Variants in SDK1 observed in about 807,000 individuals in gnomAD.
The protein encoded by SDK1 is sidekick cell adhesion molecule 1.
SDK1 carries 157 observed loss-of-function variants against 245.5 expected under a neutral mutation model. That is an observed-to-expected ratio of 0.64 (90% confidence interval 0.56 to 0.73). SDK1 has a LOEUF of 0.73. Among genes scored for constraint, SDK1 ranks in the 30% least tolerant of loss-of-function variants. The probability of loss-of-function intolerance (pLI) is 0.00; values close to 1 mark genes in which losing one functional copy is unlikely to be tolerated. For synonymous variants in SDK1, 1,647 were observed against 1,278.5 expected (o/e 1.29, Z -6.15); for missense variants, 3,583 against 3,002.3 (o/e 1.19, Z -4.52).
intron 2 of SDK1, among the ~76,000 whole-genome samples, chr7:3,621,940 A>G (rs1344959123): frequency 1.3e-5 from 2 of 152,266 alleles, no homozygotes; most frequent in South Asian, 2.1e-4. Context: ...TTTTTACTTT[A>G]TAGTATTTAA....
At chr7:4,166,176 A>G (rs1781488890) in intron 32 of SDK1, among the ~76,000 whole-genome samples, 2 of 152,214 alleles carry the variant, frequency 1.3e-5, no homozygotes, top group Non-Finnish European at 2.9e-5. Flanking sequence ...TGTAAAAGGC[A>G]CCTTCCCAGA....
At chr7:3,508,696 A>C (rs576270020) in intron 1 of SDK1, among the ~76,000 whole-genome samples, 1 of 152,150 alleles carries the variant, frequency 6.6e-6, no homozygotes, top group African/African-American at 2.4e-5. Context: ...TGATTCTTCA[A>C]AGTGTTCTGT....
At chr7:3,882,466 C>T (rs1449324606) in intron 5 of SDK1, among the ~76,000 whole-genome samples, 2 of 152,222 alleles carry the variant, frequency 1.3e-5, no homozygotes, top group African/African-American at 4.8e-5. Context: ...TATCATCTGA[C>T]CCCAAACACT....
intron 22 of SDK1, among the ~76,000 whole-genome samples, chr7:4,104,172 G>C (rs1782759389): frequency 6.6e-6 from 1 of 152,180 alleles, no homozygotes; most frequent in Non-Finnish European, 1.5e-5. Flanking sequence ...CGATCCTCCT[G>C]CCTCAGCCTC....
intron 27 of SDK1, among the ~76,000 whole-genome samples, chr7:4,131,040 C>T (rs1281783441): frequency 6.6e-6 from 1 of 152,198 alleles, no homozygotes; most frequent in Non-Finnish European, 1.5e-5. Flanking sequence ...CTTTGTCCAT[C>T]CTTCCCTGAC....
chr7:4,040,911 TG>T (rs753513821), intron 17 of SDK1, among the ~76,000 whole-genome samples: 1 of 152,206 alleles, frequency 6.6e-6, no homozygotes, highest in African/African-American at 2.4e-5. Context: ...GGCATTCACC[TG>T]TGCAAGTTTC....
At chr7:3,822,927 T>C (rs988777567) in intron 5 of SDK1, among the ~76,000 whole-genome samples, 11 of 151,876 alleles carry the variant, frequency 7.2e-5, no homozygotes, top group Non-Finnish European at 1.6e-4. Flanking sequence ...GTTAACTGAG[T>C]GGGGTCTCAG....
intron 44 of SDK1, among the ~76,000 whole-genome samples, chr7:4,247,206 C>T (rs569583692): frequency 1.3e-5 from 2 of 152,214 alleles, no homozygotes; most frequent in East Asian, 1.9e-4. Context: ...TTATTGAGCC[C>T]CGGGGCTCTA....
chr7:4,264,264 G>GA (rs1788283269), intron 44 of SDK1, among the ~76,000 whole-genome samples: 1 of 86,584 alleles, frequency 1.2e-5, no homozygotes, highest in Non-Finnish European at 2.4e-5. Context: ...TCTCCTGAGT[G>GA]GGGAGGCCGC....
At chr7:4,244,099 G>A (rs1052526329) in intron 43 of SDK1, among the ~76,000 whole-genome samples, 1 of 152,240 alleles carries the variant, frequency 6.6e-6, no homozygotes, top group African/African-American at 2.4e-5. Context: ...GCACACCCTG[G>A]GGGAGACAAC....
intron 17 of SDK1, among the ~76,000 whole-genome samples, chr7:4,048,267 C>T (rs1562725541): frequency 6.6e-6 from 1 of 152,190 alleles, no homozygotes; most frequent in Non-Finnish European, 1.5e-5. Flanking sequence ...CCAGGACCTT[C>T]CTTCCACCCA....
chr7:3,668,784 C>G (rs1034951150), intron 4 of SDK1, among the ~76,000 whole-genome samples: 20 of 152,176 alleles, frequency 1.3e-4, no homozygotes, highest in African/African-American at 4.3e-4. Context: ...GAGTGAAATT[C>G]CTACTCAAAC....
chr7:3,635,268 A>T (rs146823360), intron 2 of SDK1, among the ~76,000 whole-genome samples: 1 of 152,248 alleles, frequency 6.6e-6, no homozygotes, highest in African/African-American at 2.4e-5. Context: ...AAACTCAACA[A>T]TATTTTTTCT....
chr7:3,787,766 T>C (rs561617578), intron 4 of SDK1, among the ~76,000 whole-genome samples: 1 of 152,286 alleles, frequency 6.6e-6, no homozygotes, highest in East Asian at 1.9e-4. Flanking sequence ...ATGGCAGAAG[T>C]GTAGCAAGTC....
rs1461963947 is a variant in SDK1 at position 3,660,433 on chromosome 7, G to C, written c.713+18328G>C. 2.0e-5 allele frequency among the ~76,000 whole-genome samples: 3 copies of C among 152,158 alleles called. No homozygotes were observed. The South Asian group carries it at 6.2e-4, about 32-fold the overall frequency. On this transcript the variant is annotated intron_variant, in intron 4 of 44. Coordinates refer to ENST00000404826, the MANE Select transcript of SDK1 (RefSeq NM_152744.4). Reference sequence around the variant, plus strand: ...ATAAATAAAGTAAGAGATCAACAAAGCATAGAAAGAGAATGGGGAAATAGG... The same window carrying C: ...ATAAATAAAGTAAGAGATCAACAAACCATAGAAAGAGAATGGGGAAATAGG...
intron 5 of SDK1, among the ~76,000 whole-genome samples, chr7:3,908,293 A>C (rs1779031489): frequency 6.6e-6 from 1 of 152,162 alleles, no homozygotes; most frequent in African/African-American, 2.4e-5. Context: ...TGGAAAATTC[A>C]TTGCACAAAT....
chr7:4,170,095 CCTT>C (rs1171831366), intron 32 of SDK1, among the ~76,000 whole-genome samples: 1 of 152,128 alleles, frequency 6.6e-6, no homozygotes, highest in Non-Finnish European at 1.5e-5. Flanking sequence ...GTTAAGTAAA[CCTT>C]CTATTTCATT....
At chr7:3,533,355 C>T (rs1231907529) in intron 1 of SDK1, among the ~76,000 whole-genome samples, 1 of 152,126 alleles carries the variant, frequency 6.6e-6, no homozygotes, top group Non-Finnish European at 1.5e-5. Flanking sequence ...GATGAGAGGA[C>T]ACTGATTACT....
chr7:4,156,702 C>G (rs970566235), intron 30 of SDK1, among the ~76,000 whole-genome samples: 5 of 152,104 alleles, frequency 3.3e-5, no homozygotes, highest in African/African-American at 1.2e-4. Flanking sequence ...TCCTTTAAAC[C>G]AAGTATGACC....
Sources: allele counts gnomAD v4.1 joint callset (sites outside exome capture counted in the v4.1 genomes callset), GRCh38; gene constraint gnomAD v4.1.1; transcripts MANE v1.5; gene names NCBI Gene and HGNC (gene_info 2026-07-23, HGNC 2026-07-21).